The following PTPN11 variants were observed in gnomAD, a reference collection of about 807,000 sequenced individuals.
PTPN11 encodes the protein protein tyrosine phosphatase non-receptor type 11.
A neutral mutation model predicts 78.8 loss-of-function variants in PTPN11; 6 were observed. The ratio of observed to expected loss-of-function variants is 0.08; its 90% CI spans 0.04 to 0.15. PTPN11 has a LOEUF of 0.15. Ranked by LOEUF, PTPN11 falls within the 10% of genes least tolerant of loss-of-function variation. The pLI is 1.00. For synonymous variants in PTPN11, 221 were observed against 263.5 expected (o/e 0.84, Z 1.56); for missense variants, 386 against 744.8 (o/e 0.52, Z 5.61).
intron 1 of PTPN11, among the ~76,000 whole-genome samples, chr12:112,442,717 G>A (rs1460460123): frequency 6.7e-6 from 1 of 149,942 alleles, no homozygotes; most frequent in East Asian, 1.9e-4. Flanking sequence ...CTCCCAAAGT[G>A]CTGGGATTAC....
chr12:112,457,482 G>A (rs985356836), intron 6 of PTPN11: 1 of 175,214 alleles, frequency 5.7e-6, no homozygotes, highest in East Asian at 1.9e-4. Context: ...AAACATATGT[G>A]TGCATATGTC....
At chr12:112,468,730 A>G (rs975192332) in intron 6 of PTPN11, among the ~76,000 whole-genome samples, 1 of 152,178 alleles carries the variant, frequency 6.6e-6, no homozygotes, top group Non-Finnish European at 1.5e-5. Context: ...TCAAGCCCCA[A>G]GTCCGCCTGG....
At chr12:112,420,452 T>G (rs939511088) in intron 1 of PTPN11, among the ~76,000 whole-genome samples, 2 of 152,162 alleles carry the variant, frequency 1.3e-5, no homozygotes, top group Admixed American at 1.3e-4. Context: ...TTCAAGCGAT[T>G]CTCCTGCCTC....
chr12:112,423,246 G>T (rs1163531654), intron 1 of PTPN11, among the ~76,000 whole-genome samples: 1 of 152,156 alleles, frequency 6.6e-6, no homozygotes, highest in South Asian at 2.1e-4. Flanking sequence ...TTTTATGCCA[G>T]CATCAAATGA....
At chr12:112,450,598 C>G (rs2135863407) in intron 3 of PTPN11, 86 bp downstream of exon 3, 2 of 1,304,120 alleles carry the variant, frequency 1.5e-6, no homozygotes, top group South Asian at 2.4e-5. Flanking sequence ...GTATGACTCT[C>G]TGACTCCAAA....
chr12:112,425,973 A>G (rs2037610297), intron 1 of PTPN11, among the ~76,000 whole-genome samples: 1 of 152,134 alleles, frequency 6.6e-6, no homozygotes, highest in Non-Finnish European at 1.5e-5. Context: ...GGTTACACAC[A>G]TGGGCCACTG....
At chr12:112,437,233 C>G (rs2037806792) in intron 1 of PTPN11, among the ~76,000 whole-genome samples, 2 of 152,154 alleles carry the variant, frequency 1.3e-5, no homozygotes, top group South Asian at 4.1e-4. Flanking sequence ...TCACTGCAGC[C>G]TCTGCCTCCC....
chr12:112,509,479 T>C lies in PTPN11; in HGVS notation c.*3687T>C, dbSNP rs1179057599. ...ATGGGAAAAGGATCCCTGATTAAGCTGATGACTAGACCTACAATTAATTTT... is the reference window on the plus strand; with the variant it reads ...ATGGGAAAAGGATCCCTGATTAAGCCGATGACTAGACCTACAATTAATTTT... On this transcript the variant is annotated 3_prime_UTR_variant, in exon 16 of 16. Transcript: ENST00000351677. 6.5e-6 allele frequency: 1 copy of C among 152,672 alleles called. No individual in the cohort carries two copies. Among genetic ancestry groups the C allele is most frequent in the South Asian group, 2.1e-4 (1 of 4,834 alleles). The allele number at this position is 152,672 out of a possible 1,614,324, so 9.5% of individuals were successfully genotyped here. A position where few individuals can be genotyped will look rare whatever the true frequency, so the allele number is the denominator to read the frequency against.
chr12:112,430,275 T>G (rs189838972), intron 1 of PTPN11, among the ~76,000 whole-genome samples: 61 of 152,326 alleles, frequency 4.0e-4, no homozygotes, highest in African/African-American at 1.4e-3. Flanking sequence ...GTGCTGAGAT[T>G]ACAGGTGTGA....
chr12:112,426,431 A>G (rs1297117499), intron 1 of PTPN11, among the ~76,000 whole-genome samples: 1 of 151,938 alleles, frequency 6.6e-6, no homozygotes. Flanking sequence ...TAATTTTTGT[A>G]TTTTTAGTAG....
At chr12:112,490,295 C>T (rs1248609159) in intron 13 of PTPN11, among the ~76,000 whole-genome samples, 1 of 149,242 alleles carries the variant, frequency 6.7e-6, no homozygotes, top group East Asian at 2.1e-4. Flanking sequence ...GGAGCATGTT[C>T]AGGGATGTCT....
rs754859110 is a variant in PTPN11 at position 112,432,791 on chromosome 12, A to G, written c.15-13485A>G. Among the ~76,000 whole-genome samples, 484 of 152,094 alleles carry G rather than the reference A, an allele frequency of 3.2e-3. 2 individuals carry two copies. Among genetic ancestry groups the G allele is most frequent in the Non-Finnish European group, 5.1e-3 (348 of 67,990 alleles). ...ACTCAGGAGTTTGAGACTAGTGGGG[A>G]CAACATAGCAAGACCCCATCTCAAA... On this transcript the variant is annotated intron_variant, in intron 1 of 15. Coordinates refer to ENST00000351677, the MANE Select transcript of PTPN11 (RefSeq NM_002834.5).
chr12:112,450,007 A>G (rs1004354928), intron 2 of PTPN11, among the ~76,000 whole-genome samples: 3 of 152,000 alleles, frequency 2.0e-5, no homozygotes, highest in African/African-American at 4.8e-5. Context: ...TAATGTATGT[A>G]AATCCACCGC....
At chr12:112,437,330 G>C (rs1353005562) in intron 1 of PTPN11, among the ~76,000 whole-genome samples, 5 of 151,398 alleles carry the variant, frequency 3.3e-5, no homozygotes, top group Admixed American at 6.6e-5. Context: ...GCTAATTTTT[G>C]TATTTTTTTT....
chr12:112,471,919 A>C (rs2135893475), intron 6 of PTPN11, among the ~76,000 whole-genome samples: 1 of 151,872 alleles, frequency 6.6e-6, no homozygotes. Context: ...CACCTGGCTA[A>C]TTTTTGTATT....
Position 112,502,238 on chromosome 12 carries a change from C to A in PTPN11, c.1694C>A (p.Pro565Gln), listed in dbSNP as rs1315318035. Residue 565 changes from proline to glutamine, a missense_variant, in exon 14 of 16, where the codon CCA becomes CAA. Coordinates refer to ENST00000351677, the MANE Select transcript of PTPN11 (RefSeq NM_002834.5). ...CAGAGCCCTCTCCCGCCTTGTACTC[C>A]AACGCCACCCTGTGCAGAGTAAGTA... ...GDQSPLPPCT[P>Q]TPPCAEMRED... 6.2e-7 allele frequency: 1 copy of A among 1,612,730 alleles called. No individual in the cohort carries two copies. Among genetic ancestry groups the A allele is most frequent in the Non-Finnish European group, 8.5e-7 (1 of 1,178,880 alleles).
chr12:112,448,043 C>T (rs924773357), intron 2 of PTPN11, among the ~76,000 whole-genome samples: 1 of 151,950 alleles, frequency 6.6e-6, no homozygotes, highest in Non-Finnish European at 1.5e-5. Context: ...TTAAAGTGAT[C>T]CATCTGCCTT....
rs573628313 is a variant in PTPN11 at position 112,494,648 on chromosome 12, G to A, written c.1599+5473G>A. 3.3e-5 allele frequency among the ~76,000 whole-genome samples: 5 copies of A among 152,228 alleles called. No homozygotes were observed. The South Asian group carries it at 1.0e-3, about 32-fold the overall frequency. ...GGAACCTGATTCCTTTTAGTGAAGA[G>A]CAGTATTTTGAAACCAAGATCTGGG... On this transcript the variant is annotated intron_variant, in intron 13 of 15. Transcript: ENST00000351677.
chr12:112,474,172 A>G (rs2038461568), intron 7 of PTPN11, among the ~76,000 whole-genome samples: 1 of 152,104 alleles, frequency 6.6e-6, no homozygotes, highest in East Asian at 1.9e-4. Flanking sequence ...AACATGGTGA[A>G]ACCCCATCTC....
Sources: gnomAD v4.1 joint callset for allele counts (sites outside exome capture counted in the v4.1 genomes callset) on GRCh38, gnomAD v4.1.1 for gene constraint, MANE v1.5 for transcripts, NCBI Gene and HGNC (gene_info 2026-07-23, HGNC 2026-07-21) for gene names.